The following NRXN3 variants were observed in gnomAD, a reference collection of about 807,000 sequenced individuals.
NRXN3 encodes the protein neurexin III.
Under a neutral mutation model 137.6 loss-of-function variants are expected in NRXN3, and 32 were observed. The ratio of observed to expected loss-of-function variants is 0.23; its 90% CI spans 0.18 to 0.31. The LOEUF (loss-of-function observed/expected upper bound fraction) is 0.31. Among genes scored for constraint, NRXN3 ranks in the 10% least tolerant of loss-of-function variants. The pLI, the probability that NRXN3 is intolerant of heterozygous loss-of-function variation, is 1.00. For synonymous variants in NRXN3, 798 were observed against 784.5 expected, an observed-to-expected ratio of 1.02 and a Z score of -0.29; for missense variants, 1,574 against 2,062.5, an observed-to-expected ratio of 0.76 and a Z score of 4.59.
At chr14:79,662,910 C>G (rs746192021) in intron 16 of NRXN3, among the ~76,000 whole-genome samples, 14 of 152,136 alleles carry the variant, frequency 9.2e-5, no homozygotes, top group Non-Finnish European at 1.5e-4. Context: ...ATCTCCAACA[C>G]TGGAGATTAC....
At chr14:79,596,074 C>T (rs1309642507) in intron 16 of NRXN3, among the ~76,000 whole-genome samples, 2 of 149,334 alleles carry the variant, frequency 1.3e-5, no homozygotes, top group Admixed American at 1.3e-4. Flanking sequence ...TCTTTTATGA[C>T]ATTCTTTAAT....
chr14:78,209,968 A>G (rs954811115), intron 1 of NRXN3, among the ~76,000 whole-genome samples: 1 of 152,252 alleles, frequency 6.6e-6, no homozygotes, highest in Admixed American at 6.5e-5. Context: ...TTTAAGAGCC[A>G]CAAAGGCAAG....
intron 19 of NRXN3, among the ~76,000 whole-genome samples, chr14:79,701,531 C>T (rs1478594286): frequency 6.6e-6 from 1 of 152,018 alleles, no homozygotes; most frequent in African/African-American, 2.4e-5. Flanking sequence ...CTCTGGGATT[C>T]TCCTTGTGGT....
chr14:78,499,351 T>G (rs1476801574), intron 4 of NRXN3, among the ~76,000 whole-genome samples: 1 of 152,132 alleles, frequency 6.6e-6, no homozygotes, highest in Non-Finnish European at 1.5e-5. Flanking sequence ...TCCCTAAACC[T>G]AATGCAAGAT....
At chr14:78,436,186 A>T (rs1383658665) in intron 4 of NRXN3, among the ~76,000 whole-genome samples, 1 of 152,202 alleles carries the variant, frequency 6.6e-6, no homozygotes, top group Non-Finnish European at 1.5e-5. Flanking sequence ...AGAGAAGAAC[A>T]TCTCAGGTAT....
chr14:79,248,426 T>C (rs908244709), intron 15 of NRXN3, among the ~76,000 whole-genome samples: 8 of 152,174 alleles, frequency 5.3e-5, no homozygotes, highest in African/African-American at 1.9e-4. Flanking sequence ...TGCTGCCATT[T>C]CCGTGGACAG....
chr14:78,969,432 T>C lies in NRXN3; in HGVS notation c.3142+1086T>C, dbSNP rs118109723. Among the ~76,000 whole-genome samples the C allele has an allele frequency of 1.9e-4, 29 of 152,314 alleles. No individual in the cohort carries two copies. The East Asian group carries it at 4.4e-3, about 23-fold the overall frequency. On this transcript the variant is annotated intron_variant, in intron 14 of 20. Coordinates refer to ENST00000335750, the MANE Select transcript of NRXN3 (RefSeq NM_001330195.2). The stretch of plus-strand genomic sequence containing the variant: ...CCTGACCAAGGATCTATGTAATTAT[T>C]TCCTTTTTTTCTTTTTGAGCCTTTT...
intron 15 of NRXN3, among the ~76,000 whole-genome samples, chr14:79,170,952 T>C (rs1056228880): frequency 4.6e-5 from 7 of 152,068 alleles, no homozygotes; most frequent in African/African-American, 1.4e-4. Context: ...AAAATACTAC[T>C]TTTTCAAGGG....
intron 15 of NRXN3, among the ~76,000 whole-genome samples, chr14:79,092,323 T>C (rs2049365376): frequency 6.6e-6 from 1 of 152,202 alleles, no homozygotes; most frequent in South Asian, 2.1e-4. Context: ...ATACATGCTA[T>C]TGAAAAAGGT....
At chr14:79,636,620 G>T (rs980038637) in intron 16 of NRXN3, among the ~76,000 whole-genome samples, 2 of 152,148 alleles carry the variant, frequency 1.3e-5, no homozygotes, top group Non-Finnish European at 2.9e-5. Context: ...CCAGTGAGCA[G>T]AAACATTACA....
At chr14:79,587,876 T>TTG (rs2097774546) in intron 16 of NRXN3, among the ~76,000 whole-genome samples, 1 of 152,206 alleles carries the variant, frequency 6.6e-6, no homozygotes, top group African/African-American at 2.4e-5. Context: ...GACACTCACT[T>TTG]TAAGAGGTGA....
intron 14 of NRXN3, 35 bp downstream of exon 14, chr14:78,968,381 T>A: frequency 6.3e-7 from 1 of 1,599,726 alleles, no homozygotes; most frequent in Non-Finnish European, 8.5e-7. Context: ...AGCTACAGCC[T>A]TGTTGCAAGC....
chr14:78,482,863 C>A (rs2095496479), intron 4 of NRXN3, among the ~76,000 whole-genome samples: 1 of 152,124 alleles, frequency 6.6e-6, no homozygotes, highest in South Asian at 2.1e-4. Flanking sequence ...GTTTCTCACG[C>A]TTTGCATTGG....
At chr14:79,769,837 TA>T (rs1271314997) in intron 19 of NRXN3, among the ~76,000 whole-genome samples, 5 of 152,150 alleles carry the variant, frequency 3.3e-5, no homozygotes, top group Admixed American at 2.6e-4. Flanking sequence ...GCAAATTGGT[TA>T]AAGAGTCAAG....
intron 2 of NRXN3, among the ~76,000 whole-genome samples, chr14:78,258,805 C>A (rs892062912): frequency 6.6e-6 from 1 of 152,084 alleles, no homozygotes; most frequent in Admixed American, 6.5e-5. Flanking sequence ...GTTGGTTTTT[C>A]TTCTACCTTC....
At chr14:79,694,402 G>A (rs2098727309) in intron 18 of NRXN3, among the ~76,000 whole-genome samples, 2 of 151,892 alleles carry the variant, frequency 1.3e-5, no homozygotes, top group Admixed American at 6.6e-5. Context: ...CCAAGAGGAT[G>A]GGTATCTAAA....
intron 15 of NRXN3, among the ~76,000 whole-genome samples, chr14:79,253,682 G>A (rs897571896): frequency 2.0e-5 from 3 of 152,296 alleles, no homozygotes; most frequent in East Asian, 3.9e-4. Context: ...TTCACAAGGC[G>A]GCAGGAAAAG....
At position 78,789,101 on chromosome 14, in the gene NRXN3, G is replaced by A. The variant is rs1007484742; in HGVS notation, c.2045-14519G>A. On this transcript the variant is annotated intron_variant, in intron 8 of 20. Transcript: ENST00000335750. ...TTTGCACAATAAAGCAATGGCAAAA[G>A]TATCTGGAAGAAAATTGAATAAGAT... is the stretch of plus-strand genomic sequence containing the variant. Among the ~76,000 whole-genome samples, 22 of 152,160 alleles carry A rather than the reference G, an allele frequency of 1.4e-4. 1 individual carries two copies. Among genetic ancestry groups the A allele is most frequent in the Admixed American group, 1.3e-4 (2 of 15,266 alleles).
rs181076299 is a variant in NRXN3, at chr14:78,792,101, A to G, written c.2045-11519A>G. Among the ~76,000 whole-genome samples, 308 of 152,138 alleles carry G rather than the reference A, an allele frequency of 2.0e-3. 1 individual carries two copies. The highest frequency in any genetic ancestry group is 7.1e-3 in the African/African-American group (296 of 41,514). ...AAAGTCAAATAATTCGATCTAGAGA[A>G]AAAGCAAAAGAACAGAAAATTTCCC... On this transcript the variant is annotated intron_variant, in intron 8 of 20. Transcript: ENST00000335750.
Sources: allele counts gnomAD v4.1 joint callset (sites outside exome capture counted in the v4.1 genomes callset), GRCh38; gene constraint gnomAD v4.1.1; transcripts MANE v1.5; gene names NCBI Gene and HGNC (gene_info 2026-07-23, HGNC 2026-07-21).